Variants in SUMF1 observed in about 807,000 individuals in gnomAD.
SUMF1 encodes the protein formylglycine-generating enzyme.
SUMF1 carries 48 observed loss-of-function variants against 47.6 expected under a neutral mutation model. The observed-to-expected ratio is 1.01, with a 90% CI of 0.80 to 1.28. The LOEUF (loss-of-function observed/expected upper bound fraction) is 1.28, where lower values mean the gene tolerates loss of function less well. Ranked by LOEUF, SUMF1 falls within the 50% of genes most tolerant of loss-of-function variation. The pLI, the probability that SUMF1 is intolerant of heterozygous loss-of-function variation, is 0.00. For synonymous variants in SUMF1, 230 were observed against 192.1 expected (o/e 1.20, Z -1.63); for missense variants, 571 against 485.4 (o/e 1.18, Z -1.66).
intron 1 of SUMF1, among the ~76,000 whole-genome samples, chr3:4,455,303 A>T (rs527244312): frequency 1.3e-5 from 2 of 152,340 alleles, no homozygotes; most frequent in African/African-American, 4.8e-5. Flanking sequence ...ATATCTACAA[A>T]TTTGATAACC....
chr3:4,417,441 C>G (rs572921104), intron 5 of SUMF1, among the ~76,000 whole-genome samples, 199 bp from the exon 6 acceptor site: 16 of 152,210 alleles, frequency 1.1e-4, no homozygotes, highest in Admixed American at 5.2e-4. Flanking sequence ...ACGTCCACAA[C>G]AGCCTCAGTC....
chr3:4,038,536 A>T (rs1694846113), intron 9 of SUMF1, among the ~76,000 whole-genome samples: 1 of 152,180 alleles, frequency 6.6e-6, no homozygotes, highest in African/African-American at 2.4e-5. Flanking sequence ...GCTGTTGCCC[A>T]GAGTGTTCAG....
chr3:4,413,879 T>C (rs1701623598), intron 6 of SUMF1, among the ~76,000 whole-genome samples: 1 of 152,006 alleles, frequency 6.6e-6, no homozygotes, highest in Non-Finnish European at 1.5e-5. Flanking sequence ...AAAATTTTTT[T>C]TTAAGATAGA....
intron 8 of SUMF1, among the ~76,000 whole-genome samples, chr3:4,328,715 C>A (rs367629386): frequency 6.6e-6 from 1 of 152,142 alleles, no homozygotes; most frequent in Admixed American, 6.5e-5. Context: ...CCAAATCTCA[C>A]GTCCTCACAT....
chr3:4,405,431 G>C (rs536075597), intron 7 of SUMF1, among the ~76,000 whole-genome samples: 18 of 152,182 alleles, frequency 1.2e-4, no homozygotes, highest in Non-Finnish European at 2.1e-4. Context: ...CTGTCACCAA[G>C]GCTAGAGGGC....
chr3:4,336,313 T>TTGTGAGA (rs1395223744), intron 8 of SUMF1, among the ~76,000 whole-genome samples: 4 of 152,322 alleles, frequency 2.6e-5, no homozygotes, highest in Admixed American at 2.6e-4. Flanking sequence ...TGTGAGGGTC[T>TTGTGAGA]GATTAGCTTC....
chr3:4,445,349 C>T lies in SUMF1; in HGVS notation c.519+3917G>A, dbSNP rs374224893. Among the ~76,000 whole-genome samples, 1,004 of 151,770 alleles carry T rather than the reference C, an allele frequency of 6.6e-3. 17 individuals carry two copies. Among genetic ancestry groups the T allele is most frequent in the African/African-American group, 0.023 (951 of 41,452 alleles). On this transcript the variant is annotated intron_variant, in intron 3 of 8. Transcript: ENST00000272902. ...GCTTGTTTTTGTTTTGTTTTGTTTT[C>T]TCCCCAGAGACAGGGTCTCACTCTG...
At chr3:4,225,371 A>C (rs1312881223) in intron 8 of SUMF1, among the ~76,000 whole-genome samples, 1 of 152,140 alleles carries the variant, frequency 6.6e-6, no homozygotes, top group Non-Finnish European at 1.5e-5. Flanking sequence ...TGTTTTGAGC[A>C]AGCAAGTTCC....
At chr3:4,339,274 G>C (rs1049577033) in intron 8 of SUMF1, among the ~76,000 whole-genome samples, 4 of 152,032 alleles carry the variant, frequency 2.6e-5, no homozygotes, top group African/African-American at 7.2e-5. Context: ...GTCTCAACTT[G>C]TCCCATTTTC....
chr3:4,396,473 G>C (rs1460404272), intron 7 of SUMF1, among the ~76,000 whole-genome samples: 1 of 152,184 alleles, frequency 6.6e-6, no homozygotes, highest in Non-Finnish European at 1.5e-5. Flanking sequence ...CTACCGCACA[G>C]GCCAGGTAGT....
chr3:4,132,544 T>C (rs926771706), intron 8 of SUMF1, among the ~76,000 whole-genome samples: 3 of 152,122 alleles, frequency 2.0e-5, no homozygotes, highest in African/African-American at 4.8e-5. Context: ...AAAGTGGAAG[T>C]GGCACCACTC....
intron 7 of SUMF1, among the ~76,000 whole-genome samples, chr3:4,407,082 T>C (rs1232484260): frequency 9.3e-6 from 1 of 107,702 alleles, no homozygotes; most frequent in Non-Finnish European, 2.0e-5. Context: ...GACACACACA[T>C]GGGACACACA....
At chr3:4,217,880 TG>T (rs11311987) in intron 8 of SUMF1, among the ~76,000 whole-genome samples, 91,338 of 151,240 alleles carry the variant, frequency 0.6, 27,850 homozygotes, top group South Asian at 0.69. Flanking sequence ...GGACTTCATA[TG>T]GTCTTTGAAA....
chr3:4,432,288 C>T (rs1575214577), intron 3 of SUMF1, among the ~76,000 whole-genome samples: 2 of 151,450 alleles, frequency 1.3e-5, no homozygotes, highest in African/African-American at 4.9e-5. Flanking sequence ...AGAGGTACTT[C>T]CAAATATCAG....
At chr3:4,041,436 A>C (rs1460193046) in intron 9 of SUMF1, among the ~76,000 whole-genome samples, 1 of 152,190 alleles carries the variant, frequency 6.6e-6, no homozygotes, top group African/African-American at 2.4e-5. Flanking sequence ...TTCACCTGAC[A>C]CAATAACTAC....
chr3:4,317,681 T>C (rs1698719616), intron 8 of SUMF1: 1 of 155,446 alleles, frequency 6.4e-6, no homozygotes, highest in South Asian at 1.9e-4. Context: ...TTAGATTTTG[T>C]TCTTGGCCAA....
Position 4,412,767 on chromosome 3 carries a change from G to A in SUMF1, c.841-1789C>T, listed in dbSNP as rs1013558325. On this transcript the variant is annotated intron_variant, in intron 6 of 8. Transcript: ENST00000272902. ...CCAGGCAGGTGCATGGTGCACGCCT[G>A]TAATCCCAGCTACTCAGGAGGCTGA... 6.4e-4 allele frequency among the ~76,000 whole-genome samples: 98 copies of A among 152,104 alleles called. 3 individuals are homozygous for A. Among genetic ancestry groups the A allele is most frequent in the Non-Finnish European group, 1.2e-4 (8 of 68,012 alleles).
intron 8 of SUMF1, among the ~76,000 whole-genome samples, chr3:4,146,746 C>T (rs538289633): frequency 8.0e-5 from 11 of 137,456 alleles, no homozygotes; most frequent in Middle Eastern, 3.8e-3. Context: ...TCTATGTGTT[C>T]TCACTGTTCA....
At chr3:4,348,315 G>C (rs1469384374) in intron 8 of SUMF1, among the ~76,000 whole-genome samples, 2 of 152,130 alleles carry the variant, frequency 1.3e-5, no homozygotes, top group Non-Finnish European at 2.9e-5. Context: ...GCATGGTACT[G>C]GTACCAAAAC....
Sources: allele counts gnomAD v4.1 joint callset (sites outside exome capture counted in the v4.1 genomes callset), GRCh38; gene constraint gnomAD v4.1.1; transcripts MANE v1.5; gene names NCBI Gene and HGNC (gene_info 2026-07-23, HGNC 2026-07-21).